GRIN2B: variants seen among roughly 807,000 people sequenced by gnomAD.
The protein encoded by GRIN2B is glutamate ionotropic receptor NMDA type subunit 2B.
GRIN2B carries 5 observed loss-of-function variants against 114.5 expected under a neutral mutation model. That is an observed-to-expected ratio of 0.04 (90% confidence interval 0.02 to 0.09). The LOEUF is 0.09. Among genes scored for constraint, GRIN2B ranks in the 10% least tolerant of loss-of-function variants. The probability of loss-of-function intolerance (pLI) is 1.00; values close to 1 mark genes in which losing one functional copy is unlikely to be tolerated. For synonymous variants in GRIN2B, 787 were observed against 745.1 expected (o/e 1.06, Z -0.92); for missense variants, 1,108 against 1,943.5 (o/e 0.57, Z 8.08).
At chr12:13,939,953 A>G (rs1867208791) in intron 2 of GRIN2B, among the ~76,000 whole-genome samples, 1 of 152,148 alleles carries the variant, frequency 6.6e-6, no homozygotes, top group Non-Finnish European at 1.5e-5. Flanking sequence ...TGCATTAGGT[A>G]CGGCATCAAG....
rs530054938 is a variant in GRIN2B, at chr12:13,818,819, G to A, written c.411+46979C>T. 7.2e-5 allele frequency among the ~76,000 whole-genome samples: 11 copies of A among 152,216 alleles called. 1 individual carries two copies. In the South Asian group the frequency reaches 2.1e-3, roughly 29 times the overall value. ...AGTGTTTCACACCAGAGATGTTGAC[G>A]GCCTTTTGTGGCAGACAAATCATCA... On this transcript the variant is annotated intron_variant, in intron 3 of 13. Transcript: ENST00000609686.
At chr12:13,674,527 C>A (rs531445696) in intron 5 of GRIN2B, among the ~76,000 whole-genome samples, 2 of 152,242 alleles carry the variant, frequency 1.3e-5, no homozygotes, top group Admixed American at 6.5e-5. Flanking sequence ...AGCATTCACA[C>A]ATTCACATAA....
intron 4 of GRIN2B, among the ~76,000 whole-genome samples, chr12:13,728,308 G>A (rs1565515367): frequency 6.6e-6 from 1 of 152,092 alleles, no homozygotes; most frequent in Non-Finnish European, 1.5e-5. Flanking sequence ...AACTTTTAGG[G>A]AGAAGAAAAA....
chr12:13,855,542 T>A (rs1865645319), intron 3 of GRIN2B, among the ~76,000 whole-genome samples: 1 of 152,154 alleles, frequency 6.6e-6, no homozygotes, highest in Non-Finnish European at 1.5e-5. Context: ...ACTCTAAGGC[T>A]CTAGGGGAGA....
intron 12 of GRIN2B, among the ~76,000 whole-genome samples, chr12:13,569,326 G>T (rs576861401): frequency 6.6e-6 from 1 of 152,284 alleles, no homozygotes; most frequent in South Asian, 2.1e-4. Context: ...ATTAAGCTGA[G>T]ATCATCCCAG....
chr12:13,664,210 G>A (rs967060141), intron 5 of GRIN2B, among the ~76,000 whole-genome samples: 8 of 152,152 alleles, frequency 5.3e-5, no homozygotes, highest in African/African-American at 9.7e-5. Context: ...AGAGGTGCTG[G>A]AGAATAGTTA....
rs945356713 is a variant in GRIN2B at position 13,616,753 on chromosome 12, A to C, written c.1126-96T>G. On this transcript the variant is annotated intron_variant, in intron 5 of 13. Transcript: ENST00000609686. ...TCTGAACAATCCCAGGAAGCAGTTG[A>C]ACAAAAGCCAACAAGTGCCAACATT... 16 of 919,630 alleles carry C rather than the reference A, an allele frequency of 1.7e-5. No individual in the cohort carries two copies. In the African/African-American group the frequency reaches 2.4e-4, roughly 14 times the overall value. The allele number at this position is 919,630 out of a possible 1,614,324, so 57.0% of individuals were successfully genotyped here.
In GRIN2B at chr12:13,570,946, G is replaced by A. The variant is rs560065074; in HGVS notation, c.2171+858C>T. Reference sequence around the variant, plus strand: ...CCTGATATGAATGAGAACAGTGGGTGTAGCAGTGGTCAGACTACCCAAAGT... The same window carrying A: ...CCTGATATGAATGAGAACAGTGGGTATAGCAGTGGTCAGACTACCCAAAGT... On this transcript the variant is annotated intron_variant, in intron 11 of 13. Transcript: ENST00000609686. Among the ~76,000 whole-genome samples, 5 of 152,364 alleles carry A rather than the reference G, an allele frequency of 3.3e-5. No individual in the cohort carries two copies. In the South Asian group the frequency reaches 1.0e-3, roughly 32 times the overall value.
rs1425325795 is a variant in GRIN2B, at chr12:13,547,979, A to ATTTTTTTTTTTT, written c.*14803_*14804insAAAAAAAAAAAA. The ATTTTTTTTTTTT allele has an allele frequency of 1.2e-4, 7 of 59,556 alleles. No homozygotes were observed. The highest frequency in any genetic ancestry group is 1.8e-4 in the Non-Finnish European group (5 of 27,342). 3.7% of individuals were successfully genotyped at this position (59,556 alleles called of 1,614,324 possible). A position where few individuals can be genotyped will look rare whatever the true frequency, so the allele number is the denominator to read the frequency against. ...TGTGTGTATATATATATATATATAT[A>ATTTTTTTTTTTT]TATTTTTTTTTTTTTTCTGAAAGCT... On this transcript the variant is annotated 3_prime_UTR_variant, in exon 14 of 14. Transcript: ENST00000609686.
chr12:13,753,592 G>A lies in GRIN2B; in HGVS notation c.735C>T (p.Asn245=). Residue 245 remains asparagine (N), a synonymous_variant, in exon 4 of 14, where the codon AAC becomes AAT. Coordinates refer to ENST00000609686, the MANE Select transcript of GRIN2B (RefSeq NM_000834.5). This position sits in a 1 kb window ranked among gnomAD's most constrained non-coding sequence, Gnocchi z 6.2. ...EEATYIFEVA[N]SVGLTGYGYT... ...AGCCATAGCCAGTCAGCCCTACTGA[G>A]TTGGCCACTTCAAAGATGTAGGTGG... 1 of 1,614,186 alleles carries A rather than the reference G, an allele frequency of 6.2e-7. No homozygotes were observed. The highest frequency in any genetic ancestry group is 8.5e-7 in the Non-Finnish European group (1 of 1,180,018).
intron 5 of GRIN2B, among the ~76,000 whole-genome samples, chr12:13,674,615 C>T (rs1193652635): frequency 1.3e-5 from 2 of 152,066 alleles, no homozygotes; most frequent in African/African-American, 4.8e-5. Context: ...TGGTAACTCT[C>T]TCTAGAAATA....
chr12:13,970,205 T>C (rs545116329), intron 2 of GRIN2B, among the ~76,000 whole-genome samples: 3 of 152,250 alleles, frequency 2.0e-5, no homozygotes, highest in Admixed American at 1.3e-4. Context: ...AGTATTTACA[T>C]GGAATTTGAA....
intron 2 of GRIN2B, among the ~76,000 whole-genome samples, chr12:13,866,802 A>G (rs1427789500): frequency 1.3e-5 from 2 of 152,326 alleles, no homozygotes; most frequent in East Asian, 3.9e-4. Flanking sequence ...ATATTAAACT[A>G]CAAGAACAAC....
chr12:13,981,628 C>A (rs1425087607), upstream of GRIN2B: 6 of 142,346 alleles, frequency 4.2e-5, no homozygotes, highest in South Asian at 2.4e-4. Context: ...GTGGGGGGAA[C>A]CTTCCTTTCT....
At chr12:13,884,299 A>C (rs1306704237) in intron 2 of GRIN2B, among the ~76,000 whole-genome samples, 1 of 152,148 alleles carries the variant, frequency 6.6e-6, no homozygotes, top group Non-Finnish European at 1.5e-5. Flanking sequence ...GTTTTTGTTG[A>C]ATCTACAAAA....
intron 4 of GRIN2B, among the ~76,000 whole-genome samples, chr12:13,690,891 C>T (rs1402823040): frequency 1.3e-5 from 2 of 151,928 alleles, no homozygotes; most frequent in Non-Finnish European, 2.9e-5. Flanking sequence ...TCTTTACTAA[C>T]GTAAATCATT....
chr12:13,568,987 T>C (rs1948674295), intron 12 of GRIN2B, among the ~76,000 whole-genome samples: 1 of 152,132 alleles, frequency 6.6e-6, no homozygotes, highest in South Asian at 2.1e-4. Flanking sequence ...AATGAAGAGA[T>C]GGCCGCAAGT....
rs200150365 is a variant in GRIN2B at position 13,753,613 on chromosome 12, G to A, written c.714C>T (p.Thr238=). 1 of 1,614,176 alleles carries A rather than the reference G, an allele frequency of 6.2e-7. No individual in the cohort carries two copies. The highest frequency in any genetic ancestry group is 8.5e-7 in the Non-Finnish European group (1 of 1,180,026). ...CTGAGTTGGCCACTTCAAAGATGTAGGTGGCTTCTTCCTTGGTACAGTAAA... is the reference window on the plus strand; with the variant it reads ...CTGAGTTGGCCACTTCAAAGATGTAAGTGGCTTCTTCCTTGGTACAGTAAA... ...ILLYCTKEEA[T]YIFEVANSVG... is the part of the protein sequence containing the mutation. The change falls in exon 4 of 14, where the codon ACC becomes ACT. Residue 238 remains threonine, a synonymous_variant. Coordinates refer to ENST00000609686, the MANE Select transcript of GRIN2B (RefSeq NM_000834.5). This position sits in a 1 kb window ranked among gnomAD's most constrained non-coding sequence, Gnocchi z 6.2.
intron 4 of GRIN2B, among the ~76,000 whole-genome samples, chr12:13,751,999 G>T (rs1488464934): frequency 6.6e-6 from 1 of 152,104 alleles, no homozygotes; most frequent in African/African-American, 2.4e-5. Flanking sequence ...GATGGAAAGA[G>T]GAACCTCTAG....
Sources: allele counts gnomAD v4.1 joint callset (sites outside exome capture counted in the v4.1 genomes callset), GRCh38; gene constraint gnomAD v4.1.1; non-coding constraint Gnocchi (gnomAD v3.1); transcripts MANE v1.5; gene names NCBI Gene and HGNC (gene_info 2026-07-23, HGNC 2026-07-21).